Variants in NAA50 observed in about 807,000 individuals in gnomAD.
The protein encoded by NAA50 is N-alpha-acetyltransferase 50, NatE catalytic subunit, also known as N-alpha-acetyltransferase 50.
NAA50 carries 7 observed loss-of-function variants against 20.7 expected under a neutral mutation model. The ratio of observed to expected loss-of-function variants is 0.34; its 90% CI spans 0.19 to 0.63. NAA50 has a LOEUF of 0.63. Ranked by LOEUF, NAA50 falls within the 30% of genes least tolerant of loss-of-function variation. NAA50 has a pLI of 0.75. For missense variants in NAA50, 111 were observed against 199.1 expected, an observed-to-expected ratio of 0.56 and a Z score of 2.66; for synonymous variants, 54 against 70.6, an observed-to-expected ratio of 0.77 and a Z score of 1.18.
chr3:113,723,883 C>T (rs1708166800), intron 2 of NAA50, 76 bp downstream of exon 2: 2 of 1,406,670 alleles, frequency 1.4e-6, no homozygotes, highest in Non-Finnish European at 1.9e-6. Context: ...TTAACTTCTT[C>T]TGCTCTATAA....
intron 1 of NAA50, among the ~76,000 whole-genome samples, chr3:113,724,869 T>C (rs1408193936): frequency 6.6e-6 from 1 of 152,206 alleles, no homozygotes; most frequent in Non-Finnish European, 1.5e-5. Flanking sequence ...TTCGCTCTCA[T>C]TTCTCCTTCC....
intron 1 of NAA50, among the ~76,000 whole-genome samples, chr3:113,733,372 C>T (rs563805948): frequency 9.3e-5 from 14 of 151,264 alleles, no homozygotes; most frequent in Admixed American, 5.9e-4. Flanking sequence ...GAACTATTAG[C>T]GTAAGAGATA....
At chr3:113,739,163 G>A (rs1054610942) in intron 1 of NAA50, among the ~76,000 whole-genome samples, 2 of 152,172 alleles carry the variant, frequency 1.3e-5, no homozygotes, top group Non-Finnish European at 2.9e-5. Context: ...TTTACTCAAA[G>A]ACAACTTGTA....
At chr3:113,733,350 T>A (rs957290620) in intron 1 of NAA50, among the ~76,000 whole-genome samples, 4 of 150,072 alleles carry the variant, frequency 2.7e-5, no homozygotes, top group Admixed American at 6.6e-5. Context: ...TTTTTTTTTT[T>A]AATTAGTGGA....
intron 1 of NAA50, among the ~76,000 whole-genome samples, chr3:113,745,266 C>T (rs1708475019): frequency 6.6e-6 from 1 of 152,100 alleles, no homozygotes. Context: ...TACCCAGGAC[C>T]GCCTCAGCAC....
chr3:113,722,127 G>GT (rs1416985569), intron 4 of NAA50, among the ~76,000 whole-genome samples, 190 bp from the exon 5 acceptor site: 3 of 151,974 alleles, frequency 2.0e-5, no homozygotes. Context: ...TTTTACATTT[G>GT]TAAGACAGCT....
chr3:113,731,766 C>T (rs1708277074), intron 1 of NAA50, among the ~76,000 whole-genome samples: 2 of 152,250 alleles, frequency 1.3e-5, no homozygotes, highest in East Asian at 1.9e-4. Context: ...ATGATTTTGA[C>T]GTTCACCTCT....
intron 1 of NAA50, among the ~76,000 whole-genome samples, chr3:113,733,853 CAAAAA>C (rs58431115): frequency 1.5e-3 from 106 of 68,482 alleles, no homozygotes; most frequent in African/African-American, 5.8e-3. Flanking sequence ...ACTCTGTCTC[CAAAAA>C]AAAAAAAAAA....
chr3:113,729,689 C>A (rs1178893936), intron 1 of NAA50, among the ~76,000 whole-genome samples: 1 of 151,868 alleles, frequency 6.6e-6, no homozygotes. Flanking sequence ...ACCTCAAATG[C>A]ATGCCACCAC....
chr3:113,726,923 T>C (rs1377312035), intron 1 of NAA50, among the ~76,000 whole-genome samples: 3 of 152,104 alleles, frequency 2.0e-5, no homozygotes, highest in African/African-American at 7.2e-5. Context: ...GCCTAACGAG[T>C]AGCTGAGGAA....
rs1405033407 is a variant in NAA50 at position 113,721,389 on chromosome 3, CT to C, written c.*370del. On this transcript the variant is annotated 3_prime_UTR_variant, in exon 5 of 5. Coordinates refer to ENST00000240922, the MANE Select transcript of NAA50 (RefSeq NM_025146.4). ...AGAGAACAAGATACTGCTGCTGCTT[CT>C]TTTTGTCTTTTGAAATATACAATGT... 2 of 226,820 alleles carry C rather than the reference CT, an allele frequency of 8.8e-6. No individual in the cohort carries two copies. The highest frequency in any genetic ancestry group is 1.7e-5 in the Non-Finnish European group (2 of 115,700). 14.1% of individuals were successfully genotyped at this position (226,820 alleles called of 1,614,324 possible). A position where few individuals can be genotyped will look rare whatever the true frequency, so the allele number is the denominator to read the frequency against.
chr3:113,742,800 TAA>T (rs1708436275), intron 1 of NAA50, among the ~76,000 whole-genome samples: 1 of 152,212 alleles, frequency 6.6e-6, no homozygotes, highest in Admixed American at 6.5e-5. Flanking sequence ...CACATTTTGT[TAA>T]AGACATTTTT....
At chr3:113,742,838 A>G (rs544745378) in intron 1 of NAA50, among the ~76,000 whole-genome samples, 8 of 152,294 alleles carry the variant, frequency 5.3e-5, no homozygotes, top group Non-Finnish European at 8.8e-5. Flanking sequence ...GCACCTCTTT[A>G]CTACAATTGA....
chr3:113,721,506 C>G lies in NAA50; in HGVS notation c.*254G>C. On this transcript the variant is annotated 3_prime_UTR_variant, in exon 5 of 5. Coordinates refer to ENST00000240922, the MANE Select transcript of NAA50 (RefSeq NM_025146.4). ...GTTTAGGACCATCTAACTTCAACTG[C>G]AAAACTAAACAGATCTACCTTGTCC... 1 of 497,186 alleles carries G rather than the reference C, an allele frequency of 2.0e-6. No homozygotes were observed. The allele number at this position is 497,186 out of a possible 1,614,324, so 30.8% of individuals were successfully genotyped here. A position where few individuals can be genotyped will look rare whatever the true frequency, so the allele number is the denominator to read the frequency against.
chr3:113,733,853 CAAAAAAAAAAAA>C (rs58431115), intron 1 of NAA50, among the ~76,000 whole-genome samples: 1 of 68,490 alleles, frequency 1.5e-5, no homozygotes, highest in Non-Finnish European at 2.6e-5. Flanking sequence ...ACTCTGTCTC[CAAAAAAAAAAAA>C]AAAAAAAAAA....
At chr3:113,736,402 T>C (rs1477291668) in intron 1 of NAA50, among the ~76,000 whole-genome samples, 7 of 152,210 alleles carry the variant, frequency 4.6e-5, no homozygotes, top group African/African-American at 1.4e-4. Context: ...TCTGCCTCTT[T>C]ATAGACTCCC....
At chr3:113,740,471 ATT>A (rs1458040700) in intron 1 of NAA50, among the ~76,000 whole-genome samples, 1 of 152,098 alleles carries the variant, frequency 6.6e-6, no homozygotes, top group Non-Finnish European at 1.5e-5. Flanking sequence ...AGCTCAAGTG[ATT>A]TTCCCAACTT....
chr3:113,726,488 A>T (rs1393305415), intron 1 of NAA50, among the ~76,000 whole-genome samples: 8 of 57,444 alleles, frequency 1.4e-4, no homozygotes, highest in Non-Finnish European at 7.4e-5. Flanking sequence ...CATTCACATA[A>T]AAAAAAAAAA....
At chr3:113,733,496 CATAAG>C (rs1401875878) in intron 1 of NAA50, among the ~76,000 whole-genome samples, 2 of 151,792 alleles carry the variant, frequency 1.3e-5, no homozygotes, top group East Asian at 1.9e-4. Flanking sequence ...GATATCAGAT[CATAAG>C]ATAATATAAG....
Sources: allele counts gnomAD v4.1 joint callset (sites outside exome capture counted in the v4.1 genomes callset), GRCh38; gene constraint gnomAD v4.1.1; transcripts MANE v1.5; gene names NCBI Gene and HGNC (gene_info 2026-07-23, HGNC 2026-07-21).